XPR1: variants seen among roughly 807,000 people sequenced by gnomAD.
XPR1 encodes xenotropic and polytropic retrovirus receptor 1.
In XPR1, 28 loss-of-function variants were observed where a neutral mutation model predicts 87.5. That is an observed-to-expected ratio of 0.32 (90% CI 0.24 to 0.44). The LOEUF is 0.44. Ranked by LOEUF, XPR1 falls within the 20% of genes least tolerant of loss-of-function variation. The pLI, the probability that XPR1 is intolerant of heterozygous loss-of-function variation, is 1.00. For missense variants in XPR1, 559 were observed against 862.3 expected (o/e 0.65, Z 4.41); for synonymous variants, 300 against 306.1 (o/e 0.98, Z 0.21).
At chr1:180,766,362 G>T (rs570508678) in intron 2 of XPR1, among the ~76,000 whole-genome samples, 1 of 152,222 alleles carries the variant, frequency 6.6e-6, no homozygotes, top group East Asian at 1.9e-4. Flanking sequence ...TGCACAGAGT[G>T]TATTTTGATG....
chr1:180,688,173 C>G (rs951090010), intron 2 of XPR1, among the ~76,000 whole-genome samples: 21 of 151,262 alleles, frequency 1.4e-4, no homozygotes, highest in Admixed American at 2.6e-4. Context: ...CTGCCTCAGC[C>G]TCCTGTGTGG....
intron 13 of XPR1, among the ~76,000 whole-genome samples, chr1:180,875,380 G>A (rs953390168): frequency 3.7e-4 from 56 of 151,944 alleles, no homozygotes; most frequent in African/African-American, 1.3e-3. Context: ...ATGGTGGTGC[G>A]CGCCTGTAGT....
intron 3 of XPR1, 116 bp from the exon 4 acceptor site, chr1:180,803,272 T>C (rs1571852762): frequency 3.2e-6 from 3 of 929,892 alleles, no homozygotes; most frequent in East Asian, 2.6e-5. Context: ...AAATATTACA[T>C]GTAACGGTTT....
chr1:180,656,236 T>C (rs189344877), intron 1 of XPR1, among the ~76,000 whole-genome samples: 82 of 138,114 alleles, frequency 5.9e-4, no homozygotes, highest in Middle Eastern at 8.3e-3. Flanking sequence ...TGACTTAACA[T>C]AATGACTTCC....
chr1:180,690,519 A>G (rs1486567356), intron 2 of XPR1, among the ~76,000 whole-genome samples: 2 of 152,102 alleles, frequency 1.3e-5, no homozygotes, highest in East Asian at 1.9e-4. Context: ...GTCTTAAATC[A>G]TAAATGTCCA....
chr1:180,662,076 A>C (rs1655799535), intron 1 of XPR1, among the ~76,000 whole-genome samples: 1 of 152,204 alleles, frequency 6.6e-6, no homozygotes. Flanking sequence ...TGATCAGTTC[A>C]TCTTTTCATC....
At position 180,680,973 on chromosome 1, in the gene XPR1, A is replaced by G. The variant is rs6683906; in HGVS notation, c.70-1387A>G. 5.6e-3 allele frequency among the ~76,000 whole-genome samples: 856 copies of G among 152,336 alleles called. 9 individuals carry two copies. The highest frequency in any genetic ancestry group is 0.019 in the African/African-American group (809 of 41,572). On this transcript the variant is annotated intron_variant, in intron 1 of 14. Transcript: ENST00000367590. ...AGCCAGGAACAGAAAGTTAAACACCACATGTTCTCACTCATATGTGGAACC... is the reference window on the plus strand; with the variant it reads ...AGCCAGGAACAGAAAGTTAAACACCGCATGTTCTCACTCATATGTGGAACC...
intron 2 of XPR1, among the ~76,000 whole-genome samples, chr1:180,757,869 TAAAAAAAAAAAAA>T (rs35162664): frequency 7.5e-5 from 3 of 40,060 alleles, no homozygotes; most frequent in Non-Finnish European, 1.3e-4. Context: ...GTTGAAAATG[TAAAAAAAAAAAAA>T]AAAAAAAAAA....
At chr1:180,721,254 C>T (rs1224457515) in intron 2 of XPR1, among the ~76,000 whole-genome samples, 2 of 151,816 alleles carry the variant, frequency 1.3e-5, no homozygotes, top group African/African-American at 4.8e-5. Context: ...AGGAAATTCT[C>T]CCATTTTACA....
chr1:180,805,550 G>A (rs867558083), intron 4 of XPR1, among the ~76,000 whole-genome samples: 6 of 152,126 alleles, frequency 3.9e-5, no homozygotes, highest in Non-Finnish European at 4.4e-5. Flanking sequence ...AAAGTTAAGA[G>A]CACTAGATGA....
intron 2 of XPR1, among the ~76,000 whole-genome samples, chr1:180,682,632 T>TGTC (rs1335554521): frequency 1.3e-5 from 2 of 152,116 alleles, no homozygotes; most frequent in African/African-American, 4.8e-5. Context: ...TATGTCTTTG[T>TGTC]GTCACCTTAG....
intron 2 of XPR1, among the ~76,000 whole-genome samples, chr1:180,751,577 A>T (rs1647537224): frequency 6.6e-6 from 1 of 152,098 alleles, no homozygotes; most frequent in East Asian, 1.9e-4. Flanking sequence ...TTTTACAGTA[A>T]ACACATTTGG....
intron 1 of XPR1, among the ~76,000 whole-genome samples, chr1:180,664,476 C>T (rs1386380653): frequency 1.3e-5 from 2 of 152,152 alleles, no homozygotes; most frequent in African/African-American, 2.4e-5. Context: ...TGACACTGCC[C>T]AGTGTCCTTT....
At position 180,884,130 on chromosome 1, in the gene XPR1, G is replaced by A. The variant is rs1421083918; in HGVS notation, c.*64G>A. ...CTCTACAATCCTTTCCTCGACCAAC[G>A]CAACCTCTAGTACCTTTCCAGCCGA... On this transcript the variant is annotated 3_prime_UTR_variant, in exon 15 of 15. Transcript: ENST00000367590. 27 of 1,483,932 alleles carry A rather than the reference G, an allele frequency of 1.8e-5. No individual in the cohort carries two copies. Among genetic ancestry groups the A allele is most frequent in the East Asian group, 1.1e-4 (5 of 43,858 alleles). The allele number at this position is 1,483,932 out of a possible 1,614,324, so 91.9% of individuals were successfully genotyped here.
chr1:180,849,645 A>G (rs963537562), intron 11 of XPR1, among the ~76,000 whole-genome samples: 4 of 152,202 alleles, frequency 2.6e-5, no homozygotes, highest in African/African-American at 9.7e-5. Context: ...CCTCCTACTG[A>G]ACTATTTGTA....
chr1:180,649,658 T>C (rs746725655), intron 1 of XPR1, among the ~76,000 whole-genome samples: 1 of 152,180 alleles, frequency 6.6e-6, no homozygotes, highest in African/African-American at 2.4e-5. Context: ...GTGGGTGTTA[T>C]GGAGTTAGAT....
chr1:180,681,964 C>T (rs1444217048), intron 1 of XPR1, among the ~76,000 whole-genome samples: 1 of 152,094 alleles, frequency 6.6e-6, no homozygotes, highest in Non-Finnish European at 1.5e-5. Flanking sequence ...GTTACATGTA[C>T]CTTACTACAA....
intron 11 of XPR1, among the ~76,000 whole-genome samples, chr1:180,843,346 G>A (rs1489544178): frequency 6.6e-6 from 1 of 150,506 alleles, no homozygotes; most frequent in East Asian, 1.9e-4. Flanking sequence ...CTCATTCTTG[G>A]CTTACTATTA....
chr1:180,678,818 TGA>T (rs1338265142), intron 1 of XPR1, among the ~76,000 whole-genome samples: 1 of 152,232 alleles, frequency 6.6e-6, no homozygotes, highest in Admixed American at 6.5e-5. Context: ...TTACTGGACT[TGA>T]GTATCTGTAC....
Sources: gnomAD v4.1 joint callset for allele counts (sites outside exome capture counted in the v4.1 genomes callset) on GRCh38, gnomAD v4.1.1 for gene constraint, MANE v1.5 for transcripts, NCBI Gene and HGNC (gene_info 2026-07-23, HGNC 2026-07-21) for gene names.